The following KALRN variants were observed in gnomAD, a reference collection of about 807,000 sequenced individuals.
KALRN encodes kalirin RhoGEF kinase, also known as kalirin.
Under a neutral mutation model 353.7 loss-of-function variants are expected in KALRN, and 70 were observed. The ratio of observed to expected loss-of-function variants is 0.20; its 90% CI spans 0.16 to 0.24. The LOEUF is 0.24. Among genes scored for constraint, KALRN ranks in the 10% least tolerant of loss-of-function variants. The pLI is 1.00. For missense variants in KALRN, 2,791 were observed against 3,756.7 expected (o/e 0.74, Z 6.72); for synonymous variants, 1,391 against 1,434.8 (o/e 0.97, Z 0.69).
intron 32 of KALRN, among the ~76,000 whole-genome samples, chr3:124,494,017 A>G (rs1426610861): frequency 1.3e-5 from 2 of 152,204 alleles, no homozygotes; most frequent in African/African-American, 2.4e-5. Flanking sequence ...AAAGGAAACA[A>G]TTACAAAGAA....
intron 10 of KALRN, among the ~76,000 whole-genome samples, chr3:124,384,083 T>C (rs1055817470): frequency 6.6e-6 from 1 of 152,226 alleles, no homozygotes; most frequent in African/African-American, 2.4e-5. Flanking sequence ...CTAAAGGCAG[T>C]GGCTCCCATC....
intron 33 of KALRN, among the ~76,000 whole-genome samples, chr3:124,516,059 T>C (rs2066509853): frequency 1.3e-5 from 2 of 152,170 alleles, no homozygotes; most frequent in African/African-American, 4.8e-5. Context: ...TAGCTTAAGG[T>C]TTAAAAGGGG....
At chr3:124,415,742 G>A (rs1383765223) in intron 14 of KALRN, among the ~76,000 whole-genome samples, 2 of 152,176 alleles carry the variant, frequency 1.3e-5, no homozygotes, top group Non-Finnish European at 2.9e-5. Flanking sequence ...AGCCCTCCAG[G>A]TGATTTTGTG....
At position 124,589,957 on chromosome 3, in the gene KALRN, G is replaced by A. The variant is rs916040288; in HGVS notation, c.5182+26868G>A. On this transcript the variant is annotated intron_variant, in intron 34 of 59. Transcript: ENST00000682506. Reference sequence around the variant, plus strand: ...CACAGGGCCTACTGTATGCTTTTGCGATATGTCTCTTGGTTTTCTTTGCCT... The same window carrying A: ...CACAGGGCCTACTGTATGCTTTTGCAATATGTCTCTTGGTTTTCTTTGCCT... Among the ~76,000 whole-genome samples, 3 of 152,094 alleles carry A rather than the reference G, an allele frequency of 2.0e-5. No homozygotes were observed. In the South Asian group the frequency reaches 6.2e-4, roughly 32 times the overall value.
chr3:124,248,175 G>A (rs2070601983), intron 3 of KALRN, among the ~76,000 whole-genome samples: 2 of 152,230 alleles, frequency 1.3e-5, no homozygotes, highest in South Asian at 2.1e-4. Context: ...TCTTGCCCCT[G>A]AGGGTGTGGA....
intron 9 of KALRN, among the ~76,000 whole-genome samples, chr3:124,340,207 A>G (rs545589267): frequency 6.6e-6 from 1 of 152,254 alleles, no homozygotes; most frequent in East Asian, 1.9e-4. Context: ...TGAATGAATG[A>G]GCAATAAGGA....
Position 124,722,848 on chromosome 3 carries a change from T to G in KALRN, c.*3378T>G. The G allele has an allele frequency of 6.6e-6, 1 of 152,056 alleles. No individual in the cohort carries two copies. Among genetic ancestry groups the G allele is most frequent in the African/African-American group, 2.4e-5 (1 of 41,368 alleles). 9.4% of individuals were successfully genotyped at this position (152,056 alleles called of 1,614,324 possible). A position where few individuals can be genotyped will look rare whatever the true frequency, so the allele number is the denominator to read the frequency against. ...AGGTCACAAGTTTCTTGCTTGGCTTTTATTCATTGCATAGGGTTTTGAGCT... is the reference window on the plus strand; with the variant it reads ...AGGTCACAAGTTTCTTGCTTGGCTTGTATTCATTGCATAGGGTTTTGAGCT... On this transcript the variant is annotated 3_prime_UTR_variant, in exon 60 of 60. Coordinates refer to ENST00000682506, the MANE Select transcript of KALRN (RefSeq NM_001388419.1).
At chr3:124,214,068 CAT>C (rs2077109791) in intron 1 of KALRN, among the ~76,000 whole-genome samples, 1 of 151,842 alleles carries the variant, frequency 6.6e-6, no homozygotes, top group South Asian at 2.1e-4. Flanking sequence ...AAAAATCTGA[CAT>C]AGAAAAAAAG....
rs5852396 is a variant in KALRN, at chr3:124,209,492, CAAAAAAAA to C, written c.74-18480_74-18473del. On this transcript the variant is annotated intron_variant, in intron 1 of 59. Coordinates refer to ENST00000682506, the MANE Select transcript of KALRN (RefSeq NM_001388419.1). ...CAACAGAGCAAGACTCACTCTGTCT[CAAAAAAAA>C]AAAAAAAAAAAAAAAAATCCATGTC... is the stretch of plus-strand genomic sequence containing the variant. Among the ~76,000 whole-genome samples, 5 of 70,046 alleles carry C rather than the reference CAAAAAAAA, an allele frequency of 7.1e-5. 1 individual carries two copies. The highest frequency in any genetic ancestry group is 4.0e-4 in the Admixed American group (2 of 5,008). The allele number at this position is 70,046 out of a possible 152,430, so 46.0% of individuals were successfully genotyped here. A position where few individuals can be genotyped will look rare whatever the true frequency, so the allele number is the denominator to read the frequency against.
chr3:124,038,281 A>G (rs1196537314), intron 1 of KALRN, among the ~76,000 whole-genome samples: 2 of 152,168 alleles, frequency 1.3e-5, no homozygotes, highest in Non-Finnish European at 2.9e-5. Context: ...CTCCAGGAGC[A>G]CAGGATTAGA....
rs2063319041 is a variant in KALRN at position 124,492,894 on chromosome 3, C to T, written c.4832+12C>T. The T allele has an allele frequency of 6.2e-7, 1 of 1,613,346 alleles. No homozygotes were observed. Reference sequence around the variant, plus strand: ...AACAATAGTAAGAGGTAACCAGCACCTCTCCCTCCAGCACTGCCTGCCTCA... The same window carrying T: ...AACAATAGTAAGAGGTAACCAGCACTTCTCCCTCCAGCACTGCCTGCCTCA... On this transcript the variant is annotated intron_variant, in intron 32 of 59. Transcript: ENST00000682506.
At chr3:124,577,770 C>G (rs948698685) in intron 34 of KALRN, among the ~76,000 whole-genome samples, 1 of 152,032 alleles carries the variant, frequency 6.6e-6, no homozygotes, top group African/African-American at 2.4e-5. Flanking sequence ...ACTTGAGAGA[C>G]TGAGGTGGGA....
chr3:124,137,316 C>T (rs868123643), intron 1 of KALRN, among the ~76,000 whole-genome samples: 39 of 152,140 alleles, frequency 2.6e-4, no homozygotes, highest in Middle Eastern at 3.4e-3. Context: ...GTGGCAAGTC[C>T]ATAAGAGTGG....
chr3:124,345,924 G>A (rs969980545), intron 9 of KALRN, among the ~76,000 whole-genome samples: 13 of 152,154 alleles, frequency 8.5e-5, no homozygotes, highest in African/African-American at 3.1e-4. Context: ...AGGGCAATCC[G>A]TTTGAGACAC....
At chr3:124,575,789 C>T (rs542622264) in intron 34 of KALRN, among the ~76,000 whole-genome samples, 1 of 152,284 alleles carries the variant, frequency 6.6e-6, no homozygotes, top group African/African-American at 2.4e-5. Flanking sequence ...GGGAAAGGTT[C>T]TCTGCTTTTA....
chr3:124,496,200 A>G (rs1324387518), intron 32 of KALRN, 111 bp from the exon 33 acceptor site: 13 of 721,862 alleles, frequency 1.8e-5, no homozygotes, highest in Non-Finnish European at 3.0e-5. Flanking sequence ...AATCCCTGCT[A>G]GAAAGTGCTG....
At chr3:124,668,592 G>T (rs3772781) in intron 47 of KALRN, among the ~76,000 whole-genome samples, 24,018 of 152,180 alleles carry the variant, frequency 0.16, 2,383 homozygotes, top group Middle Eastern at 0.28. Flanking sequence ...TAGAACATGA[G>T]ACTTCAAAGC....
intron 25 of KALRN, among the ~76,000 whole-genome samples, chr3:124,471,073 G>A (rs1008511165): frequency 1.1e-4 from 16 of 152,032 alleles, no homozygotes; most frequent in South Asian, 4.1e-4. Flanking sequence ...CTAAATATAA[G>A]TCTCCAGGAG....
chr3:124,370,493 A>G (rs912017439), intron 10 of KALRN, among the ~76,000 whole-genome samples: 1 of 152,218 alleles, frequency 6.6e-6, no homozygotes. Flanking sequence ...CGGAAAGCCA[A>G]CAAGTGAAAT....
Sources: allele counts gnomAD v4.1 joint callset (sites outside exome capture counted in the v4.1 genomes callset), GRCh38; gene constraint gnomAD v4.1.1; transcripts MANE v1.5; gene names NCBI Gene and HGNC (gene_info 2026-07-23, HGNC 2026-07-21).